The following MTCL2 variants were observed in gnomAD, a reference collection of about 807,000 sequenced individuals.
MTCL2 encodes the protein microtubule cross-linking factor 2.
At chr20:36,856,504 T>C in the MTCL2 span, among the ~76,000 whole-genome samples, 810 of 152,334 alleles carry the variant, frequency 5.3e-3, 3 homozygotes, top group African/African-American at 0.016. Context: ...CCCCGGGCAG[T>C]GTTTCTTCTG....
At chr20:36,855,334 G>A in the MTCL2 span, among the ~76,000 whole-genome samples, 3 of 152,234 alleles carry the variant, frequency 2.0e-5, no homozygotes, top group Non-Finnish European at 4.4e-5. Flanking sequence ...CTTGGCTCCA[G>A]ATCACAGTGC....
At chr20:36,804,717 G>T in the MTCL2 span, 1 of 1,609,638 alleles carries the variant, frequency 6.2e-7, no homozygotes, top group South Asian at 1.1e-5. Context: ...AGAGGCGTCT[G>T]ACAGGTGGGG....
At chr20:36,794,356 G>T in the MTCL2 span, 1 of 1,604,278 alleles carries the variant, frequency 6.2e-7, no homozygotes, top group South Asian at 1.1e-5. This position sits in a 1 kb window ranked among gnomAD's most constrained non-coding sequence, Gnocchi z 5.4. Flanking sequence ...CAGGAGCCGT[G>T]TAGCTGCGCT....
chr20:36,848,543 T>A, the MTCL2 span, among the ~76,000 whole-genome samples: 1 of 152,214 alleles, frequency 6.6e-6, no homozygotes, highest in Non-Finnish European at 1.5e-5. Context: ...AGATCCTCAC[T>A]GAACCCCCCA....
the MTCL2 span, among the ~76,000 whole-genome samples, chr20:36,829,944 A>G: frequency 6.6e-6 from 1 of 152,102 alleles, no homozygotes; most frequent in Admixed American, 6.5e-5. Flanking sequence ...GGCTGCGGTG[A>G]GCCAAAATCA....
chr20:36,858,331 CA>C, the MTCL2 span, among the ~76,000 whole-genome samples: 2 of 123,460 alleles, frequency 1.6e-5, no homozygotes, highest in African/African-American at 6.2e-5. Flanking sequence ...CACACACACA[CA>C]CACACACACA....
the MTCL2 span, chr20:36,793,868 G>A: frequency 3.9e-6 from 6 of 1,549,046 alleles, no homozygotes; most frequent in Non-Finnish European, 5.2e-6. The surrounding 1 kb of genome is among the most constrained non-coding windows in gnomAD (Gnocchi z 6.8). Flanking sequence ...GCTGCGGGGT[G>A]ACCAGGCCTT....
chr20:36,793,588 C>G, the MTCL2 span: 3 of 1,551,684 alleles, frequency 1.9e-6, no homozygotes, highest in Non-Finnish European at 2.6e-6. This position sits in a 1 kb window ranked among gnomAD's most constrained non-coding sequence, Gnocchi z 6.8. Flanking sequence ...AGTGCTCCAC[C>G]ACACTGAAGA....
At chr20:36,822,669 G>A in the MTCL2 span, among the ~76,000 whole-genome samples, 1 of 152,092 alleles carries the variant, frequency 6.6e-6, no homozygotes. Context: ...AAAACAGCAG[G>A]GCAGATTTTC....
At chr20:36,786,003 C>A in the MTCL2 span, 1 of 986,404 alleles carries the variant, frequency 1.0e-6, no homozygotes, top group South Asian at 4.7e-5. Context: ...CACCAGGAAC[C>A]AAACATGGAG....
At chr20:36,782,899 T>C in the MTCL2 span, 2 of 151,924 alleles carry the variant, frequency 1.3e-5, no homozygotes, top group Non-Finnish European at 2.9e-5. Flanking sequence ...ATGATAACCA[T>C]TGTTATTACT....
At chr20:36,803,220 G>A in the MTCL2 span, 2 of 1,439,314 alleles carry the variant, frequency 1.4e-6, no homozygotes, top group African/African-American at 2.8e-5. Flanking sequence ...CCCCTCAGAA[G>A]ACCCCTCACT....
chr20:36,815,075 C>T, the MTCL2 span: 1 of 1,503,386 alleles, frequency 6.7e-7, no homozygotes, highest in Non-Finnish European at 8.9e-7. This position sits in a 1 kb window ranked among gnomAD's most constrained non-coding sequence, Gnocchi z 5.3. Context: ...AAAAACAAAA[C>T]AAAACAAAGG....
the MTCL2 span, among the ~76,000 whole-genome samples, chr20:36,821,797 T>C: frequency 1.3e-5 from 2 of 152,202 alleles, no homozygotes; most frequent in African/African-American, 4.8e-5. Flanking sequence ...TGGAAGTATA[T>C]GCACCTCCCC....
chr20:36,837,173 C>G, the MTCL2 span, among the ~76,000 whole-genome samples: 1 of 152,200 alleles, frequency 6.6e-6, no homozygotes, highest in Non-Finnish European at 1.5e-5. Context: ...GAAGTCACCC[C>G]TGCAGGAAGC....
chr20:36,845,198 G>T, the MTCL2 span, among the ~76,000 whole-genome samples: 1 of 152,186 alleles, frequency 6.6e-6, no homozygotes, highest in African/African-American at 2.4e-5. Context: ...GAAACTCCTA[G>T]GGTGAGCCCC....
the MTCL2 span, among the ~76,000 whole-genome samples, chr20:36,840,884 T>G: frequency 9.9e-5 from 15 of 151,704 alleles, no homozygotes; most frequent in African/African-American, 3.6e-4. Context: ...ACTATGTACG[T>G]CCTAGGTAGG....
At chr20:36,852,103 G>A in the MTCL2 span, among the ~76,000 whole-genome samples, 1 of 152,154 alleles carries the variant, frequency 6.6e-6, no homozygotes, top group Non-Finnish European at 1.5e-5. Flanking sequence ...CCGACGGGCA[G>A]ACCAACCCAG....
chr20:36,820,981 T>C, the MTCL2 span, among the ~76,000 whole-genome samples: 6 of 152,220 alleles, frequency 3.9e-5, no homozygotes. Flanking sequence ...GGGAAGGCTT[T>C]CTTCTTTAAT....
Sources: allele counts gnomAD v4.1 joint callset (sites outside exome capture counted in the v4.1 genomes callset), GRCh38; gene constraint gnomAD v4.1.1; non-coding constraint Gnocchi (gnomAD v3.1); transcripts MANE v1.5; gene names NCBI Gene and HGNC (gene_info 2026-07-23, HGNC 2026-07-21).